SLAMF9: variants seen among roughly 807,000 people sequenced by gnomAD.
The protein encoded by SLAMF9 is CD2 family member 10.
SLAMF9 carries 25 observed loss-of-function variants against 30.4 expected under a neutral mutation model. That is an observed-to-expected ratio of 0.82 (90% CI 0.60 to 1.15). SLAMF9 has a LOEUF of 1.15. Ranked by LOEUF, SLAMF9 falls within the 50% of genes most tolerant of loss-of-function variation. The pLI is 0.00. For synonymous variants in SLAMF9, 129 were observed against 127.2 expected, an observed-to-expected ratio of 1.01 and a Z score of -0.09; for missense variants, 344 against 346.1, an observed-to-expected ratio of 0.99 and a Z score of 0.05.
chr1:159,972,171 CCT>C, the SLAMF9 span, among the ~76,000 whole-genome samples: 1 of 152,128 alleles, frequency 6.6e-6, no homozygotes, highest in South Asian at 2.1e-4. Context: ...GCTCCTTCCA[CCT>C]CTCTGTTCGT....
At chr1:159,960,512 C>T in the SLAMF9 span, among the ~76,000 whole-genome samples, 1 of 146,104 alleles carries the variant, frequency 6.8e-6, no homozygotes, top group African/African-American at 2.6e-5. Context: ...GTTGCCAAGG[C>T]TTCAGTGCAG....
chr1:159,975,206 T>A, the SLAMF9 span, among the ~76,000 whole-genome samples: 5 of 152,206 alleles, frequency 3.3e-5, no homozygotes, highest in Non-Finnish European at 7.3e-5. Context: ...ATTTATTGAG[T>A]ACCTCTACAT....
intron 2 of SLAMF9, among the ~76,000 whole-genome samples, chr1:159,952,801 C>T (rs1042322734): frequency 6.6e-6 from 1 of 152,202 alleles, no homozygotes; most frequent in Admixed American, 6.5e-5. Flanking sequence ...CTACCTTCCT[C>T]CAAACCCCAT....
At chr1:159,976,929 A>AAAG in the SLAMF9 span, 3 of 798 alleles carry the variant, frequency 3.8e-3, no homozygotes, top group Admixed American at 0.036. Context: ...AGAAAGAAAG[A>AAAG]AAGAAAGAAA....
the SLAMF9 span, among the ~76,000 whole-genome samples, chr1:159,959,522 A>C: frequency 6.6e-6 from 1 of 152,074 alleles, no homozygotes. Context: ...TAGGATCTAC[A>C]ACATGGCACC....
the SLAMF9 span, chr1:159,973,728 T>A: frequency 7.1e-7 from 1 of 1,404,230 alleles, no homozygotes; most frequent in East Asian, 2.3e-5. Flanking sequence ...TCCAGAGAGC[T>A]ACTGATCTCT....
the SLAMF9 span, among the ~76,000 whole-genome samples, chr1:159,967,143 G>T: frequency 6.6e-6 from 1 of 151,972 alleles, no homozygotes; most frequent in African/African-American, 2.4e-5. Context: ...TTCCCGTTTT[G>T]AGTTTTTTTT....
chr1:159,951,905 A>G (rs753350850), intron 3 of SLAMF9, 39 bp from the exon 4 acceptor site: 1 of 1,590,286 alleles, frequency 6.3e-7, no homozygotes, highest in South Asian at 1.1e-5. Flanking sequence ...CATCAGTGGT[A>G]GGGTTGGGGT....
the SLAMF9 span, chr1:159,977,107 C>T: frequency 2.6e-5 from 4 of 152,226 alleles, no homozygotes; most frequent in East Asian, 7.7e-4. Context: ...CTGGCTCTAC[C>T]TTAAGGTAGG....
chr1:159,975,986 G>A, the SLAMF9 span, among the ~76,000 whole-genome samples: 9 of 152,148 alleles, frequency 5.9e-5, no homozygotes, highest in Admixed American at 1.3e-4. Context: ...ATCTGTTCTG[G>A]GCTGGAGATA....
the SLAMF9 span, among the ~76,000 whole-genome samples, chr1:159,961,763 A>C: frequency 0.011 from 1,668 of 152,292 alleles, 30 homozygotes; most frequent in African/African-American, 0.039. Flanking sequence ...CAGGGCCGAG[A>C]GATGGAGGCA....
intron 1 of SLAMF9, 112 bp downstream of exon 1, chr1:159,953,980 A>G: frequency 7.6e-7 from 1 of 1,319,864 alleles, no homozygotes; most frequent in Non-Finnish European, 1.1e-6. Context: ...TAACTCCAGA[A>G]GAGCTGACAC....
chr1:159,973,111 C>G, the SLAMF9 span: 1 of 1,529,208 alleles, frequency 6.5e-7, no homozygotes, highest in Non-Finnish European at 8.9e-7. Context: ...ATGCAGAGTT[C>G]TGGGTGGGGG....
chr1:159,955,014 G>A (rs1449149856), upstream of SLAMF9, among the ~76,000 whole-genome samples: 1 of 151,032 alleles, frequency 6.6e-6, no homozygotes, highest in Non-Finnish European at 1.5e-5. Flanking sequence ...GGAGGTGGAG[G>A]TTGCAGAGAG....
At chr1:159,963,033 G>A in the SLAMF9 span, among the ~76,000 whole-genome samples, 2 of 152,204 alleles carry the variant, frequency 1.3e-5, no homozygotes, top group African/African-American at 4.8e-5. Context: ...GAAGGAGATG[G>A]TGGGTGGGCA....
At chr1:159,968,357 T>C in the SLAMF9 span, among the ~76,000 whole-genome samples, 10 of 152,338 alleles carry the variant, frequency 6.6e-5, no homozygotes, top group Admixed American at 6.5e-4. Context: ...GCCTCATCTC[T>C]GATGTACCAA....
At chr1:159,952,734 G>C (rs1202815249) in intron 2 of SLAMF9, among the ~76,000 whole-genome samples, 200 bp from the exon 3 acceptor site, 3 of 152,188 alleles carry the variant, frequency 2.0e-5, no homozygotes, top group Non-Finnish European at 4.4e-5. Flanking sequence ...GGAAGACAGA[G>C]CTGCCTTTGG....
chr1:159,951,960 AAGTTC>A, intron 3 of SLAMF9, 94 bp from the exon 4 acceptor site: 1 of 1,059,114 alleles, frequency 9.4e-7, no homozygotes, highest in Non-Finnish European at 1.4e-6. Context: ...AAGGGGTCTC[AAGTTC>A]ACAATCAGTT....
At chr1:159,957,292 T>C (rs967718722), upstream of SLAMF9, among the ~76,000 whole-genome samples, 1 of 151,912 alleles carries the variant, frequency 6.6e-6, no homozygotes, top group Non-Finnish European at 1.5e-5. Context: ...TCATACCATA[T>C]GGTGACTACA....
Sources: allele counts gnomAD v4.1 joint callset (sites outside exome capture counted in the v4.1 genomes callset), GRCh38; gene constraint gnomAD v4.1.1; transcripts MANE v1.5; gene names NCBI Gene and HGNC (gene_info 2026-07-23, HGNC 2026-07-21).